Variants in FIP1L1 observed in about 807,000 individuals in gnomAD.
The protein encoded by FIP1L1 is pre-mRNA 3'-end-processing factor FIP1.
Under a neutral mutation model 84.6 loss-of-function variants are expected in FIP1L1, and 21 were observed. That is an observed-to-expected ratio of 0.25 (90% confidence interval 0.18 to 0.36). The LOEUF (loss-of-function observed/expected upper bound fraction) is 0.36. FIP1L1 is among the 10% of genes least tolerant of loss of function. The pLI is 1.00. For missense variants in FIP1L1, 526 were observed against 751.1 expected (o/e 0.70, Z 3.50); for synonymous variants, 263 against 242.3 (o/e 1.09, Z -0.80).
At chr4:53,444,623 T>C (rs553506026) in intron 15 of FIP1L1, among the ~76,000 whole-genome samples, 2 of 152,070 alleles carry the variant, frequency 1.3e-5, no homozygotes, top group South Asian at 4.2e-4. Flanking sequence ...GGAGACAGAG[T>C]CTTGTCTGTT....
At chr4:53,440,985 C>T (rs752657911) in intron 13 of FIP1L1, 80 of 171,106 alleles carry the variant, frequency 4.7e-4, no homozygotes, top group Non-Finnish European at 8.7e-4. Flanking sequence ...TCATTATTTC[C>T]GATTTTTTAA....
At chr4:53,403,796 G>T (rs1431504802) in intron 10 of FIP1L1, among the ~76,000 whole-genome samples, 4 of 152,156 alleles carry the variant, frequency 2.6e-5, no homozygotes, top group Non-Finnish European at 5.9e-5. Context: ...AGGCATTGCA[G>T]TTTTTGGTGC....
In FIP1L1 at chr4:53,391,508, A is replaced by C; in HGVS notation, c.705+10A>C. 6.3e-7 allele frequency: 1 copy of C among 1,599,616 alleles called. No individual in the cohort carries two copies. The highest frequency in any genetic ancestry group is 8.6e-7 in the Non-Finnish European group (1 of 1,167,124). On this transcript the variant is annotated intron_variant, in intron 9 of 17. Coordinates refer to ENST00000337488, the MANE Select transcript of FIP1L1 (RefSeq NM_030917.4). ...ATTCAATCTTTTTAAGGTGAATTTT[A>C]GTAAATTATCCTTGGTTGCTCTCAT... is the stretch of plus-strand genomic sequence containing the variant.
At chr4:53,403,369 A>C (rs931574520) in intron 10 of FIP1L1, among the ~76,000 whole-genome samples, 2 of 152,188 alleles carry the variant, frequency 1.3e-5, no homozygotes, top group Admixed American at 1.3e-4. Flanking sequence ...TTATTATATT[A>C]GATTGTTTTT....
intron 16 of FIP1L1, 53 bp downstream of exon 16, chr4:53,453,186 T>G: frequency 6.3e-7 from 1 of 1,594,744 alleles, no homozygotes; most frequent in Non-Finnish European, 8.6e-7. Context: ...CACTTACAAA[T>G]TTATTTTCGT....
intron 9 of FIP1L1, among the ~76,000 whole-genome samples, chr4:53,392,682 TC>T (rs1320460415): frequency 6.6e-6 from 1 of 152,184 alleles, no homozygotes; most frequent in African/African-American, 2.4e-5. Flanking sequence ...ACTGTTAGCT[TC>T]TGTATACTTC....
At chr4:53,392,526 C>T (rs1393773138) in intron 9 of FIP1L1, among the ~76,000 whole-genome samples, 1 of 152,202 alleles carries the variant, frequency 6.6e-6, no homozygotes, top group African/African-American at 2.4e-5. Flanking sequence ...AAAGGGTCAT[C>T]AGTTTTTTCT....
At chr4:53,416,463 C>T (rs763049331) in intron 11 of FIP1L1, among the ~76,000 whole-genome samples, 30 of 152,184 alleles carry the variant, frequency 2.0e-4, no homozygotes, top group Admixed American at 2.6e-4. Flanking sequence ...CTGTGTAATT[C>T]GGAAAGCCTC....
intron 5 of FIP1L1, among the ~76,000 whole-genome samples, chr4:53,385,407 A>G (rs936675402): frequency 2.6e-5 from 4 of 151,988 alleles, no homozygotes; most frequent in African/African-American, 7.2e-5. Flanking sequence ...TCTTATAGCA[A>G]TTTTCAGTTT....
intron 15 of FIP1L1, among the ~76,000 whole-genome samples, chr4:53,449,042 T>C (rs559867928): frequency 6.6e-6 from 1 of 152,188 alleles, no homozygotes; most frequent in East Asian, 1.9e-4. Context: ...TGGGAAATAC[T>C]CTTGCAGATA....
rs1327761592 is a variant in FIP1L1 at position 53,449,243 on chromosome 4, T to C, written c.1286-3677T>C. On this transcript the variant is annotated intron_variant, in intron 15 of 17. Transcript: ENST00000337488. ...TTTTTCTTTATAAAGGAAATGCTTC[T>C]AGATTTTTACTGTTAGGTTTTTGAT... 2.6e-5 allele frequency among the ~76,000 whole-genome samples: 4 copies of C among 152,110 alleles called. No homozygotes were observed. The East Asian group carries it at 7.7e-4, about 29-fold the overall frequency.
At chr4:53,380,031 C>T (rs1348875626) in intron 3 of FIP1L1, among the ~76,000 whole-genome samples, 1 of 152,156 alleles carries the variant, frequency 6.6e-6, no homozygotes, top group Non-Finnish European at 1.5e-5. Context: ...GGAAATAAAA[C>T]CCTCATACAC....
At chr4:53,402,329 C>T (rs1750683135) in intron 10 of FIP1L1, among the ~76,000 whole-genome samples, 1 of 151,692 alleles carries the variant, frequency 6.6e-6, no homozygotes. Context: ...TATTTTCTTT[C>T]TGTGGGGGCC....
intron 10 of FIP1L1, 63 bp downstream of exon 10, chr4:53,399,902 C>CTA (rs1192106947): frequency 9.0e-7 from 1 of 1,110,154 alleles, no homozygotes; most frequent in Non-Finnish European, 1.3e-6. Context: ...TGTATTTGTG[C>CTA]TATATTAAGT....
chr4:53,387,839 C>A (rs1741951388), intron 5 of FIP1L1, among the ~76,000 whole-genome samples: 1 of 152,148 alleles, frequency 6.6e-6, no homozygotes, highest in African/African-American at 2.4e-5. Context: ...GTCACTTTTT[C>A]TGAATTTGGA....
intron 11 of FIP1L1, among the ~76,000 whole-genome samples, chr4:53,419,902 C>T (rs967756691): frequency 3.9e-5 from 6 of 151,964 alleles, no homozygotes; most frequent in Non-Finnish European, 7.4e-5. Context: ...CACCTGAGGT[C>T]GGGAGTTCAA....
intron 9 of FIP1L1, among the ~76,000 whole-genome samples, 192 bp from the exon 10 acceptor site, chr4:53,399,538 A>T (rs1378845667): frequency 2.0e-5 from 3 of 152,194 alleles, no homozygotes; most frequent in African/African-American, 7.2e-5. Context: ...GAACATTTTG[A>T]TCCCATACTC....
At chr4:53,431,318 C>T (rs1048305624) in intron 13 of FIP1L1, among the ~76,000 whole-genome samples, 9 of 152,048 alleles carry the variant, frequency 5.9e-5, no homozygotes, top group Non-Finnish European at 1.3e-4. Context: ...ATTTAAATCA[C>T]CTTAAGAATC....
chr4:53,417,761 ACACTCTCTCTCT>A (rs1169698532), intron 11 of FIP1L1, among the ~76,000 whole-genome samples: 101 of 22,446 alleles, frequency 4.5e-3, no homozygotes, highest in Middle Eastern at 0.019. Context: ...ACACACACAC[ACACTCTCTCTCT>A]CTCTCTCTCT....
Sources: gnomAD v4.1 joint callset for allele counts (sites outside exome capture counted in the v4.1 genomes callset) on GRCh38, gnomAD v4.1.1 for gene constraint, MANE v1.5 for transcripts, NCBI Gene and HGNC (gene_info 2026-07-23, HGNC 2026-07-21) for gene names.